Variants in TUT4 observed in about 807,000 individuals in gnomAD.
TUT4 encodes the protein terminal uridylyltransferase 4.
TUT4 carries 36 observed loss-of-function variants against 192.2 expected under a neutral mutation model. The observed-to-expected ratio is 0.19, with a 90% CI of 0.14 to 0.25. The LOEUF (loss-of-function observed/expected upper bound fraction) is 0.25. TUT4 is among the 10% of genes least tolerant of loss of function. TUT4 has a pLI of 1.00. For missense variants in TUT4, 1,493 were observed against 1,957.2 expected (o/e 0.76, Z 4.47); for synonymous variants, 618 against 666.0 (o/e 0.93, Z 1.11).
intron 16 of TUT4, chr1:52,463,519 C>G: frequency 8.9e-7 from 1 of 1,128,776 alleles, no homozygotes; most frequent in South Asian, 2.0e-5. Flanking sequence ...GCACACTATT[C>G]TGCTGAATTC....
intron 20 of TUT4, among the ~76,000 whole-genome samples, chr1:52,456,120 T>A (rs1237219439): frequency 6.6e-6 from 1 of 152,056 alleles, no homozygotes; most frequent in Non-Finnish European, 1.5e-5. Flanking sequence ...AAAGAAATGA[T>A]AGGCCAGGCG....
chr1:52,436,683 G>T, intron 26 of TUT4, 72 bp downstream of exon 26: 3 of 1,593,480 alleles, frequency 1.9e-6, no homozygotes, highest in Non-Finnish European at 2.6e-6. Flanking sequence ...GAGGAATTAG[G>T]GTCATTTAGC....
chr1:52,463,577 A>G (rs1663216571), intron 16 of TUT4: 1 of 1,258,100 alleles, frequency 7.9e-7, no homozygotes, highest in South Asian at 1.4e-5. Context: ...AGATGCCAGA[A>G]GCTGGGCCTC....
intron 4 of TUT4, among the ~76,000 whole-genome samples, chr1:52,507,710 G>A (rs1470680236): frequency 2.6e-5 from 4 of 152,176 alleles, no homozygotes; most frequent in African/African-American, 9.7e-5. Flanking sequence ...GCTCATTAAA[G>A]TATAATGCAA....
intron 15 of TUT4, 139 bp from the exon 16 acceptor site, chr1:52,465,312 G>T: frequency 1.6e-6 from 1 of 607,958 alleles, no homozygotes; most frequent in Non-Finnish European, 2.7e-6. Context: ...GAAATACTGA[G>T]AAATTCCAAA....
chr1:52,424,345 A>G (rs1183961537), intron 29 of TUT4: 2 of 284,896 alleles, frequency 7.0e-6, no homozygotes, highest in Non-Finnish European at 1.4e-5. Context: ...AACCACAGTC[A>G]AGGCTCTGCC....
rs748149518 is a variant in TUT4 at position 52,522,987 on chromosome 1, CTTTTTTT to C, written c.718+2569_718+2575del. 5.0e-3 allele frequency among the ~76,000 whole-genome samples: 452 copies of C among 89,584 alleles called. 3 individuals carry two copies. The highest frequency in any genetic ancestry group is 0.02 in the African/African-American group (431 of 21,626). The allele number at this position is 89,584 out of a possible 152,430, so 58.8% of individuals were successfully genotyped here. On this transcript the variant is annotated intron_variant, in intron 2 of 29. Coordinates refer to ENST00000257177, the MANE Select transcript of TUT4 (RefSeq NM_001009881.3). ...TTCAAATAACAAGACCCTTAACTAT[CTTTTTTT>C]TTTTTTTTTTTTTTTTGAGACAGAC...
At chr1:52,430,929 C>T in intron 28 of TUT4, 84 bp downstream of exon 28, 1 of 1,439,218 alleles carries the variant, frequency 6.9e-7, no homozygotes, top group Non-Finnish European at 9.4e-7. Flanking sequence ...TACTGCTTTC[C>T]TTCTTTTTCC....
At chr1:52,468,757 T>C (rs541143786) in intron 14 of TUT4, among the ~76,000 whole-genome samples, 1 of 152,342 alleles carries the variant, frequency 6.6e-6, no homozygotes, top group South Asian at 2.1e-4. Flanking sequence ...TCCACACTTC[T>C]TTAGTTCTTC....
At chr1:52,534,308 T>C (rs977947255) in intron 1 of TUT4, among the ~76,000 whole-genome samples, 1 of 152,260 alleles carries the variant, frequency 6.6e-6, no homozygotes, top group East Asian at 1.9e-4. Flanking sequence ...AGTAAACCAG[T>C]TGAAAGTATA....
intron 2 of TUT4, among the ~76,000 whole-genome samples, chr1:52,522,294 CT>C (rs559343601): frequency 6.5e-4 from 99 of 152,296 alleles, no homozygotes; most frequent in Admixed American, 2.6e-3. Flanking sequence ...CTTAAGCTAG[CT>C]TCCTGAAACT....
rs143184904 is a variant in TUT4, at chr1:52,545,847, C to T, written c.-94+7084G>A. ...AAAATAATAATAATAATAGGCCAGGCGCGATGGCTCATGCCTGTAATCCCA... is the reference window on the plus strand; with the variant it reads ...AAAATAATAATAATAATAGGCCAGGTGCGATGGCTCATGCCTGTAATCCCA... On this transcript the variant is annotated intron_variant, in intron 1 of 29. Coordinates refer to ENST00000257177, the MANE Select transcript of TUT4 (RefSeq NM_001009881.3). 6.0e-4 allele frequency among the ~76,000 whole-genome samples: 91 copies of T among 151,620 alleles called. 1 individual carries two copies. Among genetic ancestry groups the T allele is most frequent in the East Asian group, 5.8e-3 (30 of 5,162 alleles).
intron 1 of TUT4, among the ~76,000 whole-genome samples, chr1:52,535,847 T>C (rs1409246485): frequency 6.6e-6 from 1 of 152,182 alleles, no homozygotes; most frequent in Non-Finnish European, 1.5e-5. Context: ...GAGAAGGCAA[T>C]GCAGTGACAT....
chr1:52,455,741 A>C (rs756856090), intron 20 of TUT4, among the ~76,000 whole-genome samples: 1 of 151,978 alleles, frequency 6.6e-6, no homozygotes, highest in South Asian at 2.1e-4. Flanking sequence ...GAAAGAAAGA[A>C]AGACTACTAC....
At chr1:52,505,528 T>G (rs1335903617) in intron 4 of TUT4, among the ~76,000 whole-genome samples, 1 of 149,978 alleles carries the variant, frequency 6.7e-6, no homozygotes, top group Non-Finnish European at 1.5e-5. Context: ...TTCAAGCGAT[T>G]CTCCTGCCTC....
At chr1:52,515,676 A>G (rs549963978) in intron 3 of TUT4, 12 of 635,280 alleles carry the variant, frequency 1.9e-5, no homozygotes, top group Admixed American at 3.0e-5. Context: ...TCTTGGGATG[A>G]ATGAAGTCAG....
chr1:52,450,186 C>T (rs1658941581), intron 20 of TUT4, among the ~76,000 whole-genome samples: 1 of 152,134 alleles, frequency 6.6e-6, no homozygotes, highest in Non-Finnish European at 1.5e-5. Flanking sequence ...AAAGTTAAAG[C>T]TTAATTACAA....
Position 52,500,076 on chromosome 1 carries a change from C to T in TUT4, c.1000-2893G>A, listed in dbSNP as rs555040801. ...GGTGGAGGTTGCAGTGAGCTGAGAT[C>T]ATGCCATTACACTCCAGCCTGGGCA... On this transcript the variant is annotated intron_variant, in intron 4 of 29. Coordinates refer to ENST00000257177, the MANE Select transcript of TUT4 (RefSeq NM_001009881.3). 6.0e-5 allele frequency among the ~76,000 whole-genome samples: 9 copies of T among 150,418 alleles called. No homozygotes were observed. In the South Asian group the frequency reaches 1.9e-3, roughly 32 times the overall value.
chr1:52,499,984 G>A (rs897789933), intron 4 of TUT4, among the ~76,000 whole-genome samples: 1 of 151,540 alleles, frequency 6.6e-6, no homozygotes, highest in Non-Finnish European at 1.5e-5. Context: ...TGGGTGTGGT[G>A]GTGCATGCCT....
Sources: gnomAD v4.1 joint callset for allele counts (sites outside exome capture counted in the v4.1 genomes callset) on GRCh38, gnomAD v4.1.1 for gene constraint, MANE v1.5 for transcripts, NCBI Gene and HGNC (gene_info 2026-07-23, HGNC 2026-07-21) for gene names.